Variants in SEMA6D observed in about 807,000 individuals in gnomAD.
SEMA6D encodes the protein semaphorin 6D.
Under a neutral mutation model 106.6 loss-of-function variants are expected in SEMA6D, and 35 were observed. The observed-to-expected ratio is 0.33, with a 90% CI of 0.25 to 0.44. The LOEUF (loss-of-function observed/expected upper bound fraction) is 0.44, where lower values mean the gene tolerates loss of function less well. Ranked by LOEUF, SEMA6D falls within the 20% of genes least tolerant of loss-of-function variation. The probability of loss-of-function intolerance (pLI) is 1.00; values close to 1 mark genes in which losing one functional copy is unlikely to be tolerated. For missense variants in SEMA6D, 1,185 were observed against 1,345.9 expected (o/e 0.88, Z 1.87); for synonymous variants, 499 against 487.7 (o/e 1.02, Z -0.31).
intron 1 of SEMA6D, among the ~76,000 whole-genome samples, chr15:47,384,923 G>A (rs960981406): frequency 3.7e-5 from 5 of 135,102 alleles, no homozygotes; most frequent in Non-Finnish European, 4.6e-5. Context: ...CTTCTCTCAA[G>A]TGTATTTGCA....
intron 1 of SEMA6D, among the ~76,000 whole-genome samples, chr15:47,334,834 G>A (rs939100387): frequency 1.3e-5 from 2 of 152,162 alleles, no homozygotes; most frequent in African/African-American, 4.8e-5. Context: ...AAGGGATGAT[G>A]GTAGTCTCAA....
At chr15:47,613,991 T>C (rs1032476815) in intron 4 of SEMA6D, among the ~76,000 whole-genome samples, 2 of 152,190 alleles carry the variant, frequency 1.3e-5, no homozygotes, top group African/African-American at 2.4e-5. Flanking sequence ...AATATTTAAA[T>C]TTAGTACCAT....
At chr15:47,622,651 G>T (rs2077128549) in intron 4 of SEMA6D, among the ~76,000 whole-genome samples, 1 of 152,186 alleles carries the variant, frequency 6.6e-6, no homozygotes, top group South Asian at 2.1e-4. Context: ...AGAGGGGGTT[G>T]CAGGACAGGA....
chr15:47,319,989 G>A (rs971903156), intron 1 of SEMA6D, among the ~76,000 whole-genome samples: 1 of 152,044 alleles, frequency 6.6e-6, no homozygotes. Context: ...ACAACTCCCT[G>A]TATTCACCTA....
chr15:47,237,543 C>T (rs904729706), intron 1 of SEMA6D, among the ~76,000 whole-genome samples: 1 of 151,952 alleles, frequency 6.6e-6, no homozygotes, highest in Non-Finnish European at 1.5e-5. Context: ...TCAACGCTGC[C>T]TCTAACTCGG....
chr15:47,485,780 T>C (rs1227090062), intron 3 of SEMA6D, among the ~76,000 whole-genome samples: 1 of 152,212 alleles, frequency 6.6e-6, no homozygotes, highest in Non-Finnish European at 1.5e-5. Context: ...CCAAGAGATG[T>C]GGCACCACTC....
At chr15:47,736,691 C>G (rs1037262122) in intron 1 of SEMA6D, among the ~76,000 whole-genome samples, 9 of 152,334 alleles carry the variant, frequency 5.9e-5, no homozygotes, top group Middle Eastern at 3.4e-3. Flanking sequence ...TAAGCCAGAA[C>G]TTCCTTCTCC....
intron 1 of SEMA6D, among the ~76,000 whole-genome samples, chr15:47,303,982 C>G (rs149054114): frequency 7.7e-4 from 117 of 152,290 alleles, no homozygotes; most frequent in African/African-American, 2.8e-3. Context: ...ACACGGATAA[C>G]TACATAGGTT....
At chr15:47,448,799 A>G (rs2042102160) in intron 2 of SEMA6D, among the ~76,000 whole-genome samples, 1 of 151,820 alleles carries the variant, frequency 6.6e-6, no homozygotes, top group African/African-American at 2.4e-5. Context: ...CAATGAGAGG[A>G]CTCGGTCTTC....
In SEMA6D at chr15:47,756,187, G is replaced by C. The variant is rs140319575; in HGVS notation, c.-54-3558G>C. Among the ~76,000 whole-genome samples the C allele has an allele frequency of 5.8e-3, 886 of 152,288 alleles. 6 individuals are homozygous for C. The highest frequency in any genetic ancestry group is 6.2e-3 in the Non-Finnish European group (425 of 68,018). On this transcript the variant is annotated intron_variant, in intron 1 of 18. Transcript: ENST00000536845. ...TAGGAATGTTCTTTACCCTAAGCTT[G>C]CGTGTGAGGAAGATGGTTTCCTCTT...
intron 1 of SEMA6D, among the ~76,000 whole-genome samples, chr15:47,248,406 C>T (rs1456919310): frequency 2.0e-5 from 3 of 152,170 alleles, no homozygotes; most frequent in African/African-American, 4.8e-5. Flanking sequence ...GAAAACCCAG[C>T]ATTCATGGTC....
Position 47,771,884 on chromosome 15 carries a change from T to C in SEMA6D, c.*99T>C. The C allele has an allele frequency of 7.8e-7, 1 of 1,275,896 alleles. No homozygotes were observed. The highest frequency in any genetic ancestry group is 2.3e-5 in the Admixed American group (1 of 44,124). The allele number at this position is 1,275,896 out of a possible 1,614,324, so 79.0% of individuals were successfully genotyped here. ...TAAAACAAGAGACTCGCTTGTATTT[T>C]AAGAGAACCAAGTGGCCAAAGAAAC... On this transcript the variant is annotated 3_prime_UTR_variant, in exon 19 of 19. Transcript: ENST00000536845.
chr15:47,384,292 A>C (rs6493274), intron 1 of SEMA6D, among the ~76,000 whole-genome samples: 33,424 of 152,164 alleles, frequency 0.22, 3,952 homozygotes, highest in Middle Eastern at 0.33. Context: ...TATTTGCTGC[A>C]TTTCTAGCGC....
At chr15:47,724,010 C>T (rs970228169) in intron 1 of SEMA6D, among the ~76,000 whole-genome samples, 4 of 152,214 alleles carry the variant, frequency 2.6e-5, no homozygotes, top group African/African-American at 4.8e-5. Flanking sequence ...TCCCCAGGAG[C>T]AGGCTGTCAG....
intron 3 of SEMA6D, among the ~76,000 whole-genome samples, chr15:47,535,542 C>A (rs1041260593): frequency 5.9e-5 from 9 of 152,124 alleles, no homozygotes; most frequent in African/African-American, 1.9e-4. Flanking sequence ...TCAACAAGTA[C>A]TTTTTAAGCA....
At chr15:47,509,330 G>A (rs79898845) in intron 3 of SEMA6D, among the ~76,000 whole-genome samples, 3,532 of 152,276 alleles carry the variant, frequency 0.023, 139 homozygotes, top group African/African-American at 0.08. Context: ...AGAAGCATAT[G>A]GAGTGGCTTT....
At chr15:47,202,264 C>T (rs981615668) in intron 1 of SEMA6D, among the ~76,000 whole-genome samples, 1 of 151,970 alleles carries the variant, frequency 6.6e-6, no homozygotes, top group Non-Finnish European at 1.5e-5. Context: ...CACAGCCAGT[C>T]CCTGAGAAAG....
At chr15:47,669,075 T>C (rs1186245556) in intron 4 of SEMA6D, among the ~76,000 whole-genome samples, 1 of 152,198 alleles carries the variant, frequency 6.6e-6, no homozygotes, top group East Asian at 1.9e-4. Flanking sequence ...TCTCTTTTTT[T>C]TTCTCCCTTT....
intron 4 of SEMA6D, among the ~76,000 whole-genome samples, chr15:47,627,664 T>C (rs1239311492): frequency 6.6e-6 from 1 of 152,152 alleles, no homozygotes; most frequent in Non-Finnish European, 1.5e-5. Context: ...ATTGACACAC[T>C]CTTGTAAGAA....
Sources: gnomAD v4.1 joint callset for allele counts (sites outside exome capture counted in the v4.1 genomes callset) on GRCh38, gnomAD v4.1.1 for gene constraint, MANE v1.5 for transcripts, NCBI Gene and HGNC (gene_info 2026-07-23, HGNC 2026-07-21) for gene names.